Variants in PPP6R3 observed in about 807,000 individuals in gnomAD.
PPP6R3 encodes protein phosphatase 6 regulatory subunit 3, also known as serine/threonine-protein phosphatase 6 regulatory subunit 3.
In PPP6R3, 38 loss-of-function variants were observed where a neutral mutation model predicts 110.7. That is an observed-to-expected ratio of 0.34 (90% CI 0.26 to 0.45). The LOEUF (loss-of-function observed/expected upper bound fraction) is 0.45. PPP6R3 is among the 20% of genes least tolerant of loss of function. The probability of loss-of-function intolerance (pLI) is 1.00; values close to 1 mark genes in which losing one functional copy is unlikely to be tolerated. For synonymous variants in PPP6R3, 369 were observed against 373.5 expected (o/e 0.99, Z 0.14); for missense variants, 870 against 1,062.4 (o/e 0.82, Z 2.52).
chr11:68,613,924 GT>G lies in PPP6R3; in HGVS notation c.*812del, dbSNP rs1944651708. 3.4e-5 allele frequency: 31 copies of G among 910,156 alleles called. No homozygotes were observed. The highest frequency in any genetic ancestry group is 8.8e-5 in the African/African-American group (4 of 45,262). The allele number at this position is 910,156 out of a possible 1,614,324, so 56.4% of individuals were successfully genotyped here. A position where few individuals can be genotyped will look rare whatever the true frequency, so the allele number is the denominator to read the frequency against. On this transcript the variant is annotated 3_prime_UTR_variant, in exon 24 of 24. Transcript: ENST00000393800. ...TTTTTTTTTTTTTTTTTTGGCTTTT[GT>G]TTTTGTTTGTTTTTTTGTTTCATTT...
At chr11:68,491,854 C>T (rs556018484) in intron 1 of PPP6R3, among the ~76,000 whole-genome samples, 75 of 151,912 alleles carry the variant, frequency 4.9e-4, no homozygotes, top group Non-Finnish European at 8.4e-4. Flanking sequence ...GTAACACTAA[C>T]GATAGCTGAT....
At chr11:68,586,499 C>T (rs188870052) in intron 15 of PPP6R3, 53 of 152,438 alleles carry the variant, frequency 3.5e-4, no homozygotes, top group African/African-American at 1.2e-3. Context: ...GCTTGCTGCC[C>T]CCTGCTCCCT....
At chr11:68,595,637 A>T (rs1174605282) in intron 18 of PPP6R3, among the ~76,000 whole-genome samples, 1 of 152,242 alleles carries the variant, frequency 6.6e-6, no homozygotes, top group East Asian at 1.9e-4. Context: ...TGCAAATGAC[A>T]CATTAGATAA....
intron 1 of PPP6R3, among the ~76,000 whole-genome samples, chr11:68,472,066 T>A (rs1490754879): frequency 6.6e-6 from 1 of 152,096 alleles, no homozygotes; most frequent in Non-Finnish European, 1.5e-5. Context: ...TACCTGAGGG[T>A]AGCAGTCCTG....
intron 1 of PPP6R3, among the ~76,000 whole-genome samples, chr11:68,504,458 T>C (rs2099064658): frequency 6.6e-6 from 1 of 152,206 alleles, no homozygotes; most frequent in Admixed American, 6.5e-5. Flanking sequence ...TAGGATTCTT[T>C]CGAGTGGATT....
intron 1 of PPP6R3, among the ~76,000 whole-genome samples, chr11:68,494,649 T>C (rs576555399): frequency 6.6e-6 from 1 of 152,286 alleles, no homozygotes; most frequent in East Asian, 1.9e-4. Flanking sequence ...CTTGACTGAT[T>C]GCTTGATCAC....
Position 68,614,498 on chromosome 11 carries a change from A to G in PPP6R3, c.*1381A>G. 7.1e-7 allele frequency: 1 copy of G among 1,412,390 alleles called. No homozygotes were observed. The allele number at this position is 1,412,390 out of a possible 1,614,324, so 87.5% of individuals were successfully genotyped here. ...GACCAGTATTTAAAACCAAAAGGAT[A>G]TTCTGAAAAATGGCCAACAATTTTT... On this transcript the variant is annotated 3_prime_UTR_variant, in exon 24 of 24. Coordinates refer to ENST00000393800, the MANE Select transcript of PPP6R3 (RefSeq NM_001164161.2).
intron 1 of PPP6R3, among the ~76,000 whole-genome samples, chr11:68,507,594 A>G (rs1215537068): frequency 2.6e-5 from 4 of 152,176 alleles, no homozygotes; most frequent in African/African-American, 7.2e-5. Flanking sequence ...TTCCCATCTC[A>G]TTACCTTCAT....
chr11:68,541,611 A>G (rs1209312564), intron 3 of PPP6R3, among the ~76,000 whole-genome samples: 2 of 152,088 alleles, frequency 1.3e-5, no homozygotes, highest in African/African-American at 4.8e-5. Flanking sequence ...TGAGGTGGAG[A>G]TGAGGCCTAG....
chr11:68,576,817 A>C (rs901896012), intron 14 of PPP6R3, among the ~76,000 whole-genome samples: 14 of 152,172 alleles, frequency 9.2e-5, no homozygotes, highest in African/African-American at 3.4e-4. Flanking sequence ...GGCAGTCTTG[A>C]ATTTCTAATA....
chr11:68,583,815 T>A (rs1437628577), intron 15 of PPP6R3, among the ~76,000 whole-genome samples: 4 of 152,246 alleles, frequency 2.6e-5, no homozygotes, highest in Admixed American at 1.3e-4. Flanking sequence ...ATGGAGAAGT[T>A]GTCCTTAGCC....
intron 12 of PPP6R3, among the ~76,000 whole-genome samples, chr11:68,573,126 A>G (rs1393043303): frequency 1.4e-5 from 1 of 73,598 alleles, no homozygotes; most frequent in Admixed American, 1.3e-4. Context: ...ATATATATAT[A>G]TATATATATA....
chr11:68,551,261 CTTATA>C, intron 6 of PPP6R3, 75 bp downstream of exon 6: 8 of 1,106,990 alleles, frequency 7.2e-6, no homozygotes, highest in Non-Finnish European at 1.1e-5. Flanking sequence ...ACAGAGCATA[CTTATA>C]TTAAATGTGA....
chr11:68,466,727 C>G (rs1456607354), intron 1 of PPP6R3, among the ~76,000 whole-genome samples: 3 of 152,220 alleles, frequency 2.0e-5, no homozygotes, highest in East Asian at 1.9e-4. Context: ...ATTCTCCTGC[C>G]TCAGCCTCCC....
chr11:68,515,246 C>G (rs1178093619), intron 1 of PPP6R3: 1 of 153,410 alleles, frequency 6.5e-6, no homozygotes, highest in Non-Finnish European at 1.4e-5. Context: ...GGGGCTGCAG[C>G]CTTTAGGGAG....
chr11:68,537,897 A>G lies in PPP6R3; in HGVS notation c.227+6A>G, dbSNP rs2099278653. Reference sequence around the variant, plus strand: ...GATGAAAAGATCAGATACAAGTAAGACAATTCAATCTTCTCTGTAGAGTGG... The same window carrying G: ...GATGAAAAGATCAGATACAAGTAAGGCAATTCAATCTTCTCTGTAGAGTGG... On this transcript the variant is annotated splice_donor_region_variant and intron_variant, in intron 3 of 23. Transcript: ENST00000393800. 1.3e-6 allele frequency: 2 copies of G among 1,589,052 alleles called. 1 individual carries two copies. The highest frequency in any genetic ancestry group is 2.2e-5 in the South Asian group (2 of 90,256).
In PPP6R3 at chr11:68,613,319, C is replaced by G. The variant is rs1274167046; in HGVS notation, c.*202C>G. 2 of 1,339,034 alleles carry G rather than the reference C, an allele frequency of 1.5e-6. No individual in the cohort carries two copies. The highest frequency in any genetic ancestry group is 9.5e-7 in the Non-Finnish European group (1 of 1,047,958). The allele number at this position is 1,339,034 out of a possible 1,614,324, so 82.9% of individuals were successfully genotyped here. A position where few individuals can be genotyped will look rare whatever the true frequency, so the allele number is the denominator to read the frequency against. On this transcript the variant is annotated 3_prime_UTR_variant, in exon 24 of 24. Coordinates refer to ENST00000393800, the MANE Select transcript of PPP6R3 (RefSeq NM_001164161.2). ...AAAAATATTGCACATTGACAAATAC[C>G]AAGAATTTTTGCGTATGTTTATATT... is the stretch of plus-strand genomic sequence containing the variant.
rs190358022 is a variant in PPP6R3 at position 68,525,116 on chromosome 11, T to C, written c.-7+5465T>C. Among the ~76,000 whole-genome samples, 158 of 152,328 alleles carry C rather than the reference T, an allele frequency of 1.0e-3. 2 individuals carry two copies. Among genetic ancestry groups the C allele is most frequent in the Admixed American group, 9.6e-3 (147 of 15,302 alleles). ...ACCTGGGTTTGTGTCCCATTTCTGC[T>C]AGCATGTTTACTAGCTCTGGTCTTC... On this transcript the variant is annotated intron_variant, in intron 2 of 23. Coordinates refer to ENST00000393800, the MANE Select transcript of PPP6R3 (RefSeq NM_001164161.2).
chr11:68,528,007 T>C (rs1280911743), intron 2 of PPP6R3, among the ~76,000 whole-genome samples: 1 of 152,212 alleles, frequency 6.6e-6, no homozygotes, highest in Non-Finnish European at 1.5e-5. Context: ...TTTGGCCAGG[T>C]TGTCCTCCCT....
Sources: allele counts gnomAD v4.1 joint callset (sites outside exome capture counted in the v4.1 genomes callset), GRCh38; gene constraint gnomAD v4.1.1; transcripts MANE v1.5; gene names NCBI Gene and HGNC (gene_info 2026-07-23, HGNC 2026-07-21).